Variants in JMJD1C observed in about 807,000 individuals in gnomAD.
JMJD1C encodes the protein jumonji domain-containing protein 1C.
JMJD1C carries 31 observed loss-of-function variants against 245.3 expected under a neutral mutation model. The ratio of observed to expected loss-of-function variants is 0.13; its 90% CI spans 0.09 to 0.17. JMJD1C has a LOEUF of 0.17. Among genes scored for constraint, JMJD1C ranks in the 10% least tolerant of loss-of-function variants. The probability of loss-of-function intolerance (pLI) is 1.00; values close to 1 mark genes in which losing one functional copy is unlikely to be tolerated. For missense variants in JMJD1C, 2,691 were observed against 3,000.2 expected (o/e 0.90, Z 2.41); for synonymous variants, 1,057 against 1,017.4 (o/e 1.04, Z -0.74).
rs190614408 is a variant in JMJD1C, at chr10:63,394,381, C to T, written c.169-13899G>A. Among the ~76,000 whole-genome samples the T allele has an allele frequency of 1.6e-4, 24 of 152,130 alleles. No individual in the cohort carries two copies. In the East Asian group the frequency reaches 3.5e-3, roughly 22 times the overall value. On this transcript the variant is annotated intron_variant, in intron 1 of 25. Transcript: ENST00000399262. ...CAAATGATACTTCGATAACTGAATG[C>T]CTGCAGGGAGAAAGTAAATAAATTC...
chr10:63,356,425 A>T (rs1368295850), intron 2 of JMJD1C, among the ~76,000 whole-genome samples: 1 of 152,158 alleles, frequency 6.6e-6, no homozygotes, highest in Non-Finnish European at 1.5e-5. Flanking sequence ...TTTACTCCAG[A>T]CCCTCACTGA....
chr10:63,301,825 T>C, intron 2 of JMJD1C: 2 of 410,892 alleles, frequency 4.9e-6, no homozygotes, highest in South Asian at 1.8e-5. Context: ...AAATTAAAAA[T>C]AAAATAAAAC....
chr10:63,439,632 T>A (rs1391092148), intron 1 of JMJD1C, among the ~76,000 whole-genome samples: 1 of 152,220 alleles, frequency 6.6e-6, no homozygotes, highest in Non-Finnish European at 1.5e-5. Flanking sequence ...GCCTTATTTC[T>A]ATTTTATCAA....
chr10:63,292,143 G>GTTTTTTTTTTTTTTTTTTTTTT (rs1396774570), intron 2 of JMJD1C, among the ~76,000 whole-genome samples: 3 of 13,508 alleles, frequency 2.2e-4, no homozygotes, highest in African/African-American at 4.3e-4. Flanking sequence ...TGTAGAGACA[G>GTTTTTTTTTTTTTTTTTTTTTT]ATTTTTTTTT....
At chr10:63,387,759 C>T (rs868134975) in intron 1 of JMJD1C, among the ~76,000 whole-genome samples, 7 of 148,754 alleles carry the variant, frequency 4.7e-5, no homozygotes, top group Non-Finnish European at 5.9e-5. Context: ...CCTCAGCCTC[C>T]GGAGTAGCTG....
rs551913108 is a variant in JMJD1C, at chr10:63,358,136, T to C, written c.333+22182A>G. Among the ~76,000 whole-genome samples, 7 of 152,082 alleles carry C rather than the reference T, an allele frequency of 4.6e-5. No individual in the cohort carries two copies. In the East Asian group the frequency reaches 5.8e-4, roughly 13 times the overall value. ...GTATAACAAAAGAGATGAATAGATA[T>C]AGGAAATACTTATAATGGAAAGGTC... On this transcript the variant is annotated intron_variant, in intron 2 of 25. Transcript: ENST00000399262.
chr10:63,294,768 G>C (rs542858421), intron 2 of JMJD1C, among the ~76,000 whole-genome samples: 1 of 152,218 alleles, frequency 6.6e-6, no homozygotes, highest in East Asian at 1.9e-4. Flanking sequence ...CAAAACTTTG[G>C]AGTTCTAGGA....
chr10:63,312,108 T>C (rs1486845947), intron 2 of JMJD1C, among the ~76,000 whole-genome samples: 1 of 113,028 alleles, frequency 8.8e-6, no homozygotes, highest in African/African-American at 2.8e-5. Context: ...TTTTTTTTTT[T>C]TTTTTTTTGT....
chr10:63,515,635 T>G (rs1040913282), intron 1 of JMJD1C, among the ~76,000 whole-genome samples: 20 of 152,216 alleles, frequency 1.3e-4, no homozygotes, highest in African/African-American at 4.8e-4. Flanking sequence ...TCTCCAGTTT[T>G]GGAGGATGTG....
intron 1 of JMJD1C, among the ~76,000 whole-genome samples, chr10:63,381,641 A>G (rs896281981): frequency 2.0e-5 from 3 of 152,234 alleles, no homozygotes; most frequent in African/African-American, 7.2e-5. Flanking sequence ...GTTAATGAGT[A>G]TAACAATATT....
intron 1 of JMJD1C, among the ~76,000 whole-genome samples, chr10:63,448,379 A>T (rs1426652806): frequency 6.6e-6 from 1 of 151,704 alleles, no homozygotes; most frequent in African/African-American, 2.4e-5. Context: ...CTGCTCTCGA[A>T]CTCCTGACCT....
chr10:63,209,081 A>G lies in JMJD1C; in HGVS notation c.2849T>C (p.Leu950Ser), dbSNP rs773457572. ...AHSSPPLTKTLVDHHKEELER... is the reference protein window; with the variant it reads ...AHSSPPLTKTSVDHHKEELER... ...AACTTACTCCTTATGATGATCTACTAAAGTTTTTGTCAATGGTGGACTGGA... is the reference window on the plus strand; with the variant it reads ...AACTTACTCCTTATGATGATCTACTGAAGTTTTTGTCAATGGTGGACTGGA... Residue 950 changes from leucine (L) to serine (S), a missense_variant, in exon 9 of 26, where the codon TTA becomes TCA. Transcript: ENST00000399262. 1.4e-5 allele frequency: 23 copies of G among 1,613,114 alleles called. No homozygotes were observed. The highest frequency in any genetic ancestry group is 6.7e-5 in the East Asian group (3 of 44,880).
At position 63,214,395 on chromosome 10, in the gene JMJD1C, A is replaced by G. The variant is rs753860711; in HGVS notation, c.1772T>C (p.Met591Thr). The G allele has an allele frequency of 3.7e-6, 6 of 1,613,830 alleles. No individual in the cohort carries two copies. The highest frequency in any genetic ancestry group is 5.1e-6 in the Non-Finnish European group (6 of 1,180,000). Reference protein sequence around the residue: ...NASSGNDHLNMEKEKYVSYIS... With the variant: ...NASSGNDHLNTEKEKYVSYIS... ...GTAAGAGACATACTTCTCTTTTTCC[A>G]TGTTCAAGTGATCATTTCCTGAAGA... Residue 591 changes from methionine to threonine, a missense_variant, in exon 8 of 26, where the codon ATG (methionine) becomes ACG (threonine). Coordinates refer to ENST00000399262, the MANE Select transcript of JMJD1C (RefSeq NM_032776.3).
chr10:63,519,456 T>C (rs1955134481), intron 1 of JMJD1C, among the ~76,000 whole-genome samples: 2 of 152,374 alleles, frequency 1.3e-5, no homozygotes, highest in African/African-American at 2.4e-5. Context: ...CAAATTTTTA[T>C]TGGACGTTTA....
At chr10:63,248,155 C>A (rs1350314040) in intron 3 of JMJD1C, among the ~76,000 whole-genome samples, 2 of 151,824 alleles carry the variant, frequency 1.3e-5, no homozygotes, top group African/African-American at 4.8e-5. Context: ...CACAATTAAA[C>A]ATTTTTATTA....
intron 1 of JMJD1C, among the ~76,000 whole-genome samples, chr10:63,455,748 G>C (rs1453452536): frequency 1.3e-5 from 2 of 151,930 alleles, no homozygotes; most frequent in Admixed American, 6.6e-5. Context: ...ATTGAAAGGG[G>C]TAAGAATGAG....
chr10:63,344,713 T>C (rs1943661403), intron 2 of JMJD1C, among the ~76,000 whole-genome samples: 1 of 151,398 alleles, frequency 6.6e-6, no homozygotes, highest in South Asian at 2.1e-4. Context: ...CAACAAAAAA[T>C]GATTTAAACA....
At position 63,213,722 on chromosome 10, in the gene JMJD1C, T is replaced by C. The variant is rs748292789; in HGVS notation, c.2445A>G (p.Leu815=). ...TCAAGCTGCTGGCATGAGCACTCTC[T>C]AGTCGTGGGTGGCCACCAAGTAAGG... ...TASLLGGHPR[L]ESAHASSLSH... The change falls in exon 8 of 26, where the codon CTA becomes CTG. Residue 815 remains leucine (L), a synonymous_variant. Transcript: ENST00000399262. 8 of 1,614,088 alleles carry C rather than the reference T, an allele frequency of 5.0e-6. No homozygotes were observed. In the African/African-American group the frequency reaches 6.7e-5, roughly 13 times the overall value.
rs529761485 is a variant in JMJD1C, at chr10:63,316,507, G to A, written c.334-51743C>T. Reference sequence around the variant, plus strand: ...CTCCTCTCCAGGCTGGAGTGCAATGGCATGATCCCTGCTCACTGCAACTTC... The same window carrying A: ...CTCCTCTCCAGGCTGGAGTGCAATGACATGATCCCTGCTCACTGCAACTTC... On this transcript the variant is annotated intron_variant, in intron 2 of 25. Transcript: ENST00000399262. Among the ~76,000 whole-genome samples, 10 of 151,880 alleles carry A rather than the reference G, an allele frequency of 6.6e-5. 2 individuals are homozygous for A. The highest frequency in any genetic ancestry group is 6.5e-4 in the Admixed American group (10 of 15,268).
Sources: gnomAD v4.1 joint callset for allele counts (sites outside exome capture counted in the v4.1 genomes callset) on GRCh38, gnomAD v4.1.1 for gene constraint, MANE v1.5 for transcripts, NCBI Gene and HGNC (gene_info 2026-07-23, HGNC 2026-07-21) for gene names.